The following NOS1AP variants were observed in gnomAD, a reference collection of about 807,000 sequenced individuals.
NOS1AP encodes the protein nitric oxide synthase 1 adaptor protein, also known as carboxyl-terminal PDZ ligand of neuronal nitric oxide synthase protein.
A neutral mutation model predicts 56.2 loss-of-function variants in NOS1AP; 21 were observed. The ratio of observed to expected loss-of-function variants is 0.37; its 90% CI spans 0.26 to 0.54. NOS1AP has a LOEUF of 0.54. Ranked by LOEUF, NOS1AP falls within the 20% of genes least tolerant of loss-of-function variation. NOS1AP has a pLI of 0.84. For missense variants in NOS1AP, 522 were observed against 657.8 expected (o/e 0.79, Z 2.26); for synonymous variants, 270 against 274.6 (o/e 0.98, Z 0.17).
At chr1:162,219,117 C>T (rs763570495) in intron 2 of NOS1AP, among the ~76,000 whole-genome samples, 28 of 152,158 alleles carry the variant, frequency 1.8e-4, no homozygotes, top group Non-Finnish European at 3.8e-4. Flanking sequence ...CCTTTATTTA[C>T]CAGCTCTCTC....
intron 2 of NOS1AP, among the ~76,000 whole-genome samples, chr1:162,184,921 A>G (rs1269853973): frequency 1.3e-5 from 2 of 152,226 alleles, no homozygotes; most frequent in African/African-American, 4.8e-5. Flanking sequence ...TAAACAGCAC[A>G]TTTATCTTAT....
intron 1 of NOS1AP, among the ~76,000 whole-genome samples, chr1:162,078,269 C>T (rs1182529078): frequency 6.6e-6 from 1 of 152,190 alleles, no homozygotes; most frequent in Admixed American, 6.5e-5. Context: ...GTTGCTGTCC[C>T]TATCACTCAA....
intron 2 of NOS1AP, among the ~76,000 whole-genome samples, chr1:162,285,410 A>C (rs1241386453): frequency 6.6e-6 from 1 of 152,140 alleles, no homozygotes; most frequent in African/African-American, 2.4e-5. Context: ...TCCCACCCAG[A>C]GGTTATTTGA....
chr1:162,309,463 AG>A (rs1655955913), intron 4 of NOS1AP, among the ~76,000 whole-genome samples: 1 of 152,244 alleles, frequency 6.6e-6, no homozygotes, highest in South Asian at 2.1e-4. Context: ...GAATATGCTA[AG>A]TTAAGTGCTT....
chr1:162,323,049 A>G (rs1052581457), intron 4 of NOS1AP, among the ~76,000 whole-genome samples: 2 of 152,216 alleles, frequency 1.3e-5, no homozygotes, highest in Non-Finnish European at 2.9e-5. Flanking sequence ...GTACCTGTGA[A>G]TGTGGATGTT....
intron 2 of NOS1AP, among the ~76,000 whole-genome samples, chr1:162,166,691 G>A (rs1298264506): frequency 1.3e-5 from 2 of 152,188 alleles, no homozygotes; most frequent in Admixed American, 1.3e-4. Flanking sequence ...GCAAAGGGGT[G>A]AATTACTCAA....
At chr1:162,324,154 C>G (rs5008325) in intron 4 of NOS1AP, among the ~76,000 whole-genome samples, 150,625 of 152,266 alleles carry the variant, frequency 0.99, 74,529 homozygotes, top group Middle Eastern at 1. Flanking sequence ...TCTCTGAGCA[C>G]AACCCTCAGG....
intron 2 of NOS1AP, among the ~76,000 whole-genome samples, chr1:162,168,795 C>T (rs1571090246): frequency 1.3e-5 from 2 of 152,146 alleles, no homozygotes; most frequent in South Asian, 2.1e-4. Context: ...AGAGAGGCTT[C>T]AAGCCTCAAA....
chr1:162,250,527 G>A (rs991545116), intron 2 of NOS1AP, among the ~76,000 whole-genome samples: 1 of 146,346 alleles, frequency 6.8e-6, no homozygotes, highest in Non-Finnish European at 1.5e-5. Flanking sequence ...GGCAAAGAAA[G>A]CTGTATTGTC....
chr1:162,295,112 G>T (rs968936027), intron 3 of NOS1AP, among the ~76,000 whole-genome samples: 4 of 152,180 alleles, frequency 2.6e-5, no homozygotes, highest in African/African-American at 9.7e-5. Flanking sequence ...AGCCTGTGAA[G>T]GGCCCCCTTA....
chr1:162,298,948 A>G (rs537034676), intron 3 of NOS1AP, among the ~76,000 whole-genome samples: 1 of 152,354 alleles, frequency 6.6e-6, no homozygotes, highest in South Asian at 2.1e-4. Context: ...AACTGCGTTA[A>G]ATTAAAAGTG....
chr1:162,191,367 G>GA (rs1651639692), intron 2 of NOS1AP, among the ~76,000 whole-genome samples: 1 of 152,248 alleles, frequency 6.6e-6, no homozygotes, highest in Non-Finnish European at 1.5e-5. Context: ...TCCTGGGGGG[G>GA]ATCTTCCCTG....
At chr1:162,095,251 G>A (rs1692213967) in intron 1 of NOS1AP, among the ~76,000 whole-genome samples, 1 of 152,212 alleles carries the variant, frequency 6.6e-6, no homozygotes, top group South Asian at 2.1e-4. Flanking sequence ...GAGGCAACTA[G>A]GTCATGATAG....
chr1:162,259,783 T>A (rs563236966), intron 2 of NOS1AP, among the ~76,000 whole-genome samples: 1 of 152,344 alleles, frequency 6.6e-6, no homozygotes, highest in Admixed American at 6.5e-5. Flanking sequence ...AATTTCTTAA[T>A]TTTAATCTGG....
chr1:162,341,884 G>A (rs1362680386), intron 5 of NOS1AP, among the ~76,000 whole-genome samples: 19 of 152,214 alleles, frequency 1.2e-4, no homozygotes, highest in Non-Finnish European at 5.9e-5. Flanking sequence ...GAAAGCTGGA[G>A]TGTTCCTAGC....
At chr1:162,196,756 T>G (rs1478027530) in intron 2 of NOS1AP, among the ~76,000 whole-genome samples, 2 of 152,218 alleles carry the variant, frequency 1.3e-5, no homozygotes, top group African/African-American at 4.8e-5. Flanking sequence ...TATAAATATT[T>G]AAATAATCAT....
At chr1:162,292,961 C>T (rs1311112101) in intron 3 of NOS1AP, among the ~76,000 whole-genome samples, 2 of 152,198 alleles carry the variant, frequency 1.3e-5, no homozygotes, top group African/African-American at 4.8e-5. Flanking sequence ...TACTGGCAGC[C>T]AGGGTGTGAA....
chr1:162,252,263 T>C (rs1287460737), intron 2 of NOS1AP, among the ~76,000 whole-genome samples: 1 of 152,076 alleles, frequency 6.6e-6, no homozygotes, highest in East Asian at 1.9e-4. Flanking sequence ...CCTAGGCTAG[T>C]CCCAAACTCC....
At chr1:162,111,333 G>A (rs1323332913) in intron 1 of NOS1AP, among the ~76,000 whole-genome samples, 1 of 152,212 alleles carries the variant, frequency 6.6e-6, no homozygotes, top group African/African-American at 2.4e-5. Flanking sequence ...CATTGGAGAG[G>A]CAGTGCTCAT....
Sources: allele counts gnomAD v4.1 joint callset (sites outside exome capture counted in the v4.1 genomes callset), GRCh38; gene constraint gnomAD v4.1.1; transcripts MANE v1.5; gene names NCBI Gene and HGNC (gene_info 2026-07-23, HGNC 2026-07-21).